NAV3: variants seen among roughly 807,000 people sequenced by gnomAD.
The protein encoded by NAV3 is pore membrane and/or filament interacting like protein 1.
Under a neutral mutation model 244.7 loss-of-function variants are expected in NAV3, and 87 were observed. The ratio of observed to expected loss-of-function variants is 0.36; its 90% CI spans 0.30 to 0.42. The LOEUF (loss-of-function observed/expected upper bound fraction) is 0.42, where lower values mean the gene tolerates loss of function less well. NAV3 is among the 20% of genes least tolerant of loss of function. The pLI, the probability that NAV3 is intolerant of heterozygous loss-of-function variation, is 1.00. For synonymous variants in NAV3, 1,126 were observed against 1,042.2 expected (o/e 1.08, Z -1.55); for missense variants, 2,663 against 2,893.3 (o/e 0.92, Z 1.83).
At chr12:77,767,606 G>A (rs1869844060) in intron 2 of NAV3, among the ~76,000 whole-genome samples, 1 of 152,224 alleles carries the variant, frequency 6.6e-6, no homozygotes, top group Admixed American at 6.5e-5. Flanking sequence ...AGCTCCAGGT[G>A]CCAGCACAGA....
chr12:77,981,217 C>A (rs959451742), intron 5 of NAV3, among the ~76,000 whole-genome samples: 1 of 152,100 alleles, frequency 6.6e-6, no homozygotes, highest in African/African-American at 2.4e-5. Flanking sequence ...AGTGAGGACA[C>A]TTTTTGCAAA....
chr12:77,895,567 G>A (rs998695250), intron 1 of NAV3, among the ~76,000 whole-genome samples: 1 of 151,992 alleles, frequency 6.6e-6, no homozygotes, highest in African/African-American at 2.4e-5. Context: ...AATATTCTCA[G>A]TAGTTCTCTA....
At chr12:77,791,168 A>G (rs545418486) in intron 2 of NAV3, among the ~76,000 whole-genome samples, 1 of 152,218 alleles carries the variant, frequency 6.6e-6, no homozygotes, top group Admixed American at 6.5e-5. Flanking sequence ...AGCCTGGCCA[A>G]TATGGTGAAA....
At chr12:77,911,563 C>T (rs935577941) in intron 1 of NAV3, among the ~76,000 whole-genome samples, 2 of 152,058 alleles carry the variant, frequency 1.3e-5, no homozygotes, top group African/African-American at 4.8e-5. Context: ...TGATCATCTA[C>T]TCTATATGCA....
intron 2 of NAV3, among the ~76,000 whole-genome samples, chr12:77,660,322 A>T (rs1873376703): frequency 6.6e-6 from 1 of 152,156 alleles, no homozygotes; most frequent in Non-Finnish European, 1.5e-5. Flanking sequence ...CCCATTTTGA[A>T]TCAAATTTGT....
Position 77,956,841 on chromosome 12 carries a change from A to G in NAV3, c.415-9388A>G, listed in dbSNP as rs1469837832. 2.0e-5 allele frequency among the ~76,000 whole-genome samples: 3 copies of G among 152,258 alleles called. No individual in the cohort carries two copies. The East Asian group carries it at 5.8e-4, about 29-fold the overall frequency. On this transcript the variant is annotated intron_variant, in intron 3 of 39. Coordinates refer to ENST00000397909, the MANE Select transcript of NAV3 (RefSeq NM_001024383.2). ...ACTGCAACCTCCTCCTCCCGGGTTCAAGCCGAATCTCCTGCCTCAGCCTCC... is the reference window on the plus strand; with the variant it reads ...ACTGCAACCTCCTCCTCCCGGGTTCGAGCCGAATCTCCTGCCTCAGCCTCC...
At chr12:78,126,651 G>C (rs563424275) in intron 16 of NAV3, among the ~76,000 whole-genome samples, 3 of 152,218 alleles carry the variant, frequency 2.0e-5, no homozygotes, top group African/African-American at 7.2e-5. Context: ...TAAGTTTTAA[G>C]CAAACATTCA....
At chr12:78,142,139 T>G (rs965230131) in intron 20 of NAV3, among the ~76,000 whole-genome samples, 4 of 152,232 alleles carry the variant, frequency 2.6e-5, no homozygotes, top group South Asian at 2.1e-4. Context: ...AATGATATTC[T>G]TCCTAAATGA....
chr12:78,039,360 C>A (rs1880463357), intron 9 of NAV3, among the ~76,000 whole-genome samples: 2 of 152,040 alleles, frequency 1.3e-5, no homozygotes, highest in Admixed American at 1.3e-4. Context: ...CCTCCTAAAT[C>A]AGACAGATTA....
At chr12:77,608,966 T>C (rs1592500150) in intron 2 of NAV3, among the ~76,000 whole-genome samples, 3 of 152,250 alleles carry the variant, frequency 2.0e-5, no homozygotes, top group South Asian at 4.1e-4. Context: ...CCTGAAAACA[T>C]ATTTTTAATA....
intron 2 of NAV3, among the ~76,000 whole-genome samples, chr12:77,638,109 G>A (rs759368913): frequency 2.0e-5 from 3 of 149,424 alleles, no homozygotes; most frequent in Non-Finnish European, 4.5e-5. Flanking sequence ...ATCATTAATT[G>A]AGAAACATAG....
chr12:78,166,137 T>C (rs1957772014), intron 23 of NAV3, among the ~76,000 whole-genome samples: 1 of 151,890 alleles, frequency 6.6e-6, no homozygotes, highest in East Asian at 1.9e-4. Flanking sequence ...ACAAACTACA[T>C]TAAATAGTCT....
At chr12:78,101,646 A>T (rs2138214963) in intron 12 of NAV3, among the ~76,000 whole-genome samples, 1 of 152,188 alleles carries the variant, frequency 6.6e-6, no homozygotes, top group Middle Eastern at 3.4e-3. Context: ...CTTTCTTGAA[A>T]TACGTTTTAT....
chr12:77,662,354 G>C (rs537141310), intron 2 of NAV3, among the ~76,000 whole-genome samples: 29 of 151,682 alleles, frequency 1.9e-4, no homozygotes, highest in African/African-American at 7.0e-4. Context: ...AATTTATTCT[G>C]AACTATTTTA....
intron 2 of NAV3, among the ~76,000 whole-genome samples, chr12:77,668,280 T>A (rs1292435681): frequency 1.3e-5 from 2 of 152,056 alleles, no homozygotes; most frequent in African/African-American, 4.8e-5. Flanking sequence ...CAAACCAAGA[T>A]GAAATCTCTG....
intron 20 of NAV3, among the ~76,000 whole-genome samples, chr12:78,142,589 T>C (rs1016842214): frequency 6.7e-6 from 1 of 150,320 alleles, no homozygotes; most frequent in African/African-American, 2.5e-5. Flanking sequence ...TGAGGATAAT[T>C]AGAAAGCATA....
chr12:77,703,886 T>C (rs1220603692), intron 2 of NAV3, among the ~76,000 whole-genome samples: 4 of 152,192 alleles, frequency 2.6e-5, no homozygotes, highest in South Asian at 4.1e-4. Context: ...AGTGAGAAGA[T>C]GGTTGGACCA....
chr12:77,616,615 G>A (rs1737469251), intron 2 of NAV3, among the ~76,000 whole-genome samples: 1 of 151,944 alleles, frequency 6.6e-6, no homozygotes, highest in Non-Finnish European at 1.5e-5. Context: ...ACTTGCCTAA[G>A]TTGACTCAGT....
intron 9 of NAV3, among the ~76,000 whole-genome samples, chr12:78,049,783 C>T (rs572948983): frequency 6.6e-6 from 1 of 152,234 alleles, no homozygotes; most frequent in African/African-American, 2.4e-5. Context: ...AGTGTTATCA[C>T]CACTTAAAAT....
Sources: allele counts gnomAD v4.1 joint callset (sites outside exome capture counted in the v4.1 genomes callset), GRCh38; gene constraint gnomAD v4.1.1; transcripts MANE v1.5; gene names NCBI Gene and HGNC (gene_info 2026-07-23, HGNC 2026-07-21).